The following PTPRD variants were observed in gnomAD, a reference collection of about 807,000 sequenced individuals.
The protein encoded by PTPRD is protein tyrosine phosphatase receptor type D.
Under a neutral mutation model 214.5 loss-of-function variants are expected in PTPRD, and 34 were observed. That is an observed-to-expected ratio of 0.16 (90% CI 0.12 to 0.21). The LOEUF (loss-of-function observed/expected upper bound fraction) is 0.21, where lower values mean the gene tolerates loss of function less well. Ranked by LOEUF, PTPRD falls within the 10% of genes least tolerant of loss-of-function variation. The pLI is 1.00. For missense variants in PTPRD, 2,545 were observed against 2,398.7 expected, an observed-to-expected ratio of 1.06 and a Z score of -1.27; for synonymous variants, 1,128 against 845.7, an observed-to-expected ratio of 1.33 and a Z score of -5.79.
At chr9:9,900,878 G>A (rs1012339485) in intron 5 of PTPRD, among the ~76,000 whole-genome samples, 6 of 151,916 alleles carry the variant, frequency 3.9e-5, no homozygotes, top group African/African-American at 7.3e-5. Context: ...CTCATGATCC[G>A]CCCACATTGA....
At chr9:10,503,546 C>T (rs1291610624) in intron 2 of PTPRD, among the ~76,000 whole-genome samples, 1 of 151,888 alleles carries the variant, frequency 6.6e-6, no homozygotes, top group Non-Finnish European at 1.5e-5. Context: ...AGATATTTAA[C>T]CTAATTATTT....
chr9:9,680,360 G>A (rs2097040024), intron 7 of PTPRD, among the ~76,000 whole-genome samples: 1 of 151,820 alleles, frequency 6.6e-6, no homozygotes, highest in African/African-American at 2.4e-5. Flanking sequence ...AAAAAGAAAA[G>A]CTTATTTCGG....
At chr9:10,452,777 T>C (rs1309007161) in intron 2 of PTPRD, among the ~76,000 whole-genome samples, 1 of 151,866 alleles carries the variant, frequency 6.6e-6, no homozygotes, top group Non-Finnish European at 1.5e-5. Flanking sequence ...TAACATTGGT[T>C]GCCTTTTCAT....
intron 10 of PTPRD, among the ~76,000 whole-genome samples, chr9:9,111,998 G>C (rs192742051): frequency 6.6e-6 from 1 of 152,192 alleles, no homozygotes; most frequent in Non-Finnish European, 1.5e-5. Context: ...GGGGAGTCCA[G>C]GCTCCAACAA....
At chr9:10,449,463 C>T (rs536526943) in intron 2 of PTPRD, among the ~76,000 whole-genome samples, 20 of 151,798 alleles carry the variant, frequency 1.3e-4, no homozygotes, top group South Asian at 1.0e-3. Context: ...GCGGCCACCC[C>T]GTCTGGGAAG....
At chr9:8,898,367 G>A (rs539594934) in intron 11 of PTPRD, among the ~76,000 whole-genome samples, 7 of 152,196 alleles carry the variant, frequency 4.6e-5, no homozygotes, top group African/African-American at 1.7e-4. Context: ...AAAGTTTGGT[G>A]ATGGTGGCAG....
intron 15 of PTPRD, among the ~76,000 whole-genome samples, chr9:8,527,832 T>G (rs975190526): frequency 6.6e-6 from 1 of 152,126 alleles, no homozygotes; most frequent in African/African-American, 2.4e-5. Flanking sequence ...AGCTGGAGTC[T>G]ACACCAAAAG....
chr9:8,625,271 T>A (rs1421549684), intron 14 of PTPRD, among the ~76,000 whole-genome samples: 1 of 151,892 alleles, frequency 6.6e-6, no homozygotes, highest in Non-Finnish European at 1.5e-5. Context: ...GTATAAATAT[T>A]GATAGTTAAT....
At chr9:8,697,196 G>A (rs1025859674) in intron 12 of PTPRD, among the ~76,000 whole-genome samples, 2 of 152,022 alleles carry the variant, frequency 1.3e-5, no homozygotes, top group Non-Finnish European at 2.9e-5. Flanking sequence ...TCTAATTTCT[G>A]AGGACTGACT....
intron 3 of PTPRD, among the ~76,000 whole-genome samples, chr9:10,064,346 T>C (rs2097838706): frequency 6.6e-6 from 1 of 151,986 alleles, no homozygotes; most frequent in African/African-American, 2.4e-5. Context: ...ATTTGAATAA[T>C]AGATATTCTA....
chr9:10,067,709 C>T (rs2154176141), intron 3 of PTPRD, among the ~76,000 whole-genome samples: 1 of 151,914 alleles, frequency 6.6e-6, no homozygotes, highest in East Asian at 1.9e-4. Context: ...AGAGTTCAAA[C>T]CAAAGTCTTT....
chr9:9,943,679 C>G (rs771686579), intron 4 of PTPRD, among the ~76,000 whole-genome samples: 4 of 152,106 alleles, frequency 2.6e-5, no homozygotes, highest in Admixed American at 6.6e-5. Context: ...AAAGCAACAT[C>G]TGAATAAGAA....
chr9:9,155,394 T>G (rs892661076), intron 10 of PTPRD, among the ~76,000 whole-genome samples: 1 of 152,046 alleles, frequency 6.6e-6, no homozygotes, highest in Admixed American at 6.6e-5. Flanking sequence ...TGCTTACACT[T>G]GAGGGAGGGG....
At chr9:9,870,033 G>T (rs1478447473) in intron 5 of PTPRD, among the ~76,000 whole-genome samples, 1 of 151,954 alleles carries the variant, frequency 6.6e-6, no homozygotes, top group Non-Finnish European at 1.5e-5. Flanking sequence ...TGTTAGGGTA[G>T]GTCCTATTGA....
At chr9:8,880,448 C>T (rs1462426465) in intron 11 of PTPRD, among the ~76,000 whole-genome samples, 5 of 152,116 alleles carry the variant, frequency 3.3e-5, no homozygotes, top group East Asian at 3.9e-4. Context: ...GCACAGCATA[C>T]GATCAACTCC....
At chr9:10,000,698 G>A (rs1391534857) in intron 4 of PTPRD, among the ~76,000 whole-genome samples, 1 of 152,222 alleles carries the variant, frequency 6.6e-6, no homozygotes, top group Non-Finnish European at 1.5e-5. Context: ...CAGAAAGGCG[G>A]TTTGGAAAGC....
chr9:9,716,010 C>T (rs1051947600), intron 7 of PTPRD, among the ~76,000 whole-genome samples: 1 of 152,076 alleles, frequency 6.6e-6, no homozygotes. Context: ...CCTCTCCCCC[C>T]ACCCCACAAC....
At chr9:9,962,655 C>T (rs756945740) in intron 4 of PTPRD, among the ~76,000 whole-genome samples, 34 of 152,192 alleles carry the variant, frequency 2.2e-4, no homozygotes, top group Non-Finnish European at 4.3e-4. Context: ...CTATGTCCAT[C>T]CATCCACCTT....
rs1049157344 is a variant in PTPRD, at chr9:8,373,647, G to C, written c.4661+2289C>G. Reference sequence around the variant, plus strand: ...TGTGTGTGTGTGTGTGTGTGTGTGTGTGTGTGTGTATTTTCTCAAAATAAG... The same window carrying C: ...TGTGTGTGTGTGTGTGTGTGTGTGTCTGTGTGTGTATTTTCTCAAAATAAG... On this transcript the variant is annotated intron_variant, in intron 39 of 45. Transcript: ENST00000381196. Among the ~76,000 whole-genome samples the C allele has an allele frequency of 3.6e-5, 3 of 83,372 alleles. No homozygotes were observed. In the South Asian group the frequency reaches 1.2e-3, roughly 35 times the overall value. The allele number at this position is 83,372 out of a possible 152,430, so 54.7% of individuals were successfully genotyped here. A position where few individuals can be genotyped will look rare whatever the true frequency, so the allele number is the denominator to read the frequency against.
Sources: allele counts gnomAD v4.1 joint callset (sites outside exome capture counted in the v4.1 genomes callset), GRCh38; gene constraint gnomAD v4.1.1; transcripts MANE v1.5; gene names NCBI Gene and HGNC (gene_info 2026-07-23, HGNC 2026-07-21).